ANO4: variants seen among roughly 807,000 people sequenced by gnomAD.
ANO4 encodes anoctamin-4.
Under a neutral mutation model 141.9 loss-of-function variants are expected in ANO4, and 69 were observed. That is an observed-to-expected ratio of 0.49 (90% confidence interval 0.40 to 0.59). ANO4 has a LOEUF of 0.59. ANO4 is among the 20% of genes least tolerant of loss of function. ANO4 has a pLI of 0.00. For missense variants in ANO4, 894 were observed against 1,162.2 expected, an observed-to-expected ratio of 0.77 and a Z score of 3.36; for synonymous variants, 350 against 394.3, an observed-to-expected ratio of 0.89 and a Z score of 1.33.
At chr12:100,910,508 A>G (rs2041055043) in intron 2 of ANO4, among the ~76,000 whole-genome samples, 1 of 152,164 alleles carries the variant, frequency 6.6e-6, no homozygotes, top group Admixed American at 6.5e-5. Context: ...CTCATAATTA[A>G]TGAATATTAT....
chr12:101,024,480 C>T (rs549705987), intron 9 of ANO4, among the ~76,000 whole-genome samples: 3 of 152,136 alleles, frequency 2.0e-5, no homozygotes, highest in Non-Finnish European at 2.9e-5. Flanking sequence ...CCTGTAATCC[C>T]AGCTACTTGG....
At position 101,122,313 on chromosome 12, in the gene ANO4, C is replaced by A. The variant is rs186727590; in HGVS notation, c.2676+1688C>A. ...AGACCTTTATTGGGTGCATAGTTTG[C>A]AAATATTTTCTCCCATTCTGTACGG... On this transcript the variant is annotated intron_variant, in intron 26 of 27. Coordinates refer to ENST00000392977, the MANE Select transcript of ANO4 (RefSeq NM_001286615.2). 1.1e-3 allele frequency among the ~76,000 whole-genome samples: 170 copies of A among 152,248 alleles called. 3 individuals are homozygous for A. The East Asian group carries it at 0.025, about 22-fold the overall frequency.
At chr12:101,048,431 T>G (rs1436957670) in intron 14 of ANO4, 30 bp downstream of exon 14, 1 of 1,591,424 alleles carries the variant, frequency 6.3e-7, no homozygotes, top group Admixed American at 1.7e-5. Flanking sequence ...AAAACTTGAG[T>G]TTTCCTCATA....
At chr12:100,912,951 G>A (rs1157892974) in intron 2 of ANO4, among the ~76,000 whole-genome samples, 1 of 152,172 alleles carries the variant, frequency 6.6e-6, no homozygotes, top group Non-Finnish European at 1.5e-5. Context: ...TCCTCTTTAA[G>A]TGGGTTTTTT....
rs368695101 is a variant in ANO4, at chr12:100,917,758, A to G, written c.56-4468A>G. On this transcript the variant is annotated intron_variant, in intron 2 of 27. Coordinates refer to ENST00000392977, the MANE Select transcript of ANO4 (RefSeq NM_001286615.2). Reference sequence around the variant, plus strand: ...TGAAAGAGTATTCTGTATTTCTTCTAGAGCAGAGACAGAAAAATATCTTAT... The same window carrying G: ...TGAAAGAGTATTCTGTATTTCTTCTGGAGCAGAGACAGAAAAATATCTTAT... Among the ~76,000 whole-genome samples, 6 of 152,316 alleles carry G rather than the reference A, an allele frequency of 3.9e-5. No individual in the cohort carries two copies. The East Asian group carries it at 1.2e-3, about 29-fold the overall frequency.
intron 26 of ANO4, among the ~76,000 whole-genome samples, chr12:101,125,412 A>T (rs2051269249): frequency 6.6e-6 from 1 of 152,176 alleles, no homozygotes. Context: ...TCATCTGCAA[A>T]AAAAAGATAA....
rs61944862 is a variant in ANO4, at chr12:100,919,236, T to C, written c.56-2990T>C. 8.1e-3 allele frequency among the ~76,000 whole-genome samples: 1,236 copies of C among 152,254 alleles called. 14 individuals carry two copies. The highest frequency in any genetic ancestry group is 0.051 in the Middle Eastern group (15 of 292). ...AAGAAACATTTTTAAATAAATTTAA[T>C]GTGGCGTAAGTATACAGTGTTTATA... is the stretch of plus-strand genomic sequence containing the variant. On this transcript the variant is annotated intron_variant, in intron 2 of 27. Coordinates refer to ENST00000392977, the MANE Select transcript of ANO4 (RefSeq NM_001286615.2).
chr12:101,081,531 G>A (rs1460311556), intron 15 of ANO4, among the ~76,000 whole-genome samples: 1 of 152,146 alleles, frequency 6.6e-6, no homozygotes, highest in Admixed American at 6.5e-5. Context: ...TTCCCAGCTT[G>A]GGATTCCTTG....
chr12:101,103,374 A>T (rs2050288125), intron 22 of ANO4, among the ~76,000 whole-genome samples: 1 of 151,068 alleles, frequency 6.6e-6, no homozygotes, highest in Non-Finnish European at 1.5e-5. Flanking sequence ...ATTGTTTTGT[A>T]CATACTTTTT....
chr12:100,802,038 A>G (rs1438541567), intron 1 of ANO4, among the ~76,000 whole-genome samples: 1 of 152,112 alleles, frequency 6.6e-6, no homozygotes, highest in Non-Finnish European at 1.5e-5. Flanking sequence ...ACACTTTGCC[A>G]TTCAAAGTCA....
intron 14 of ANO4, among the ~76,000 whole-genome samples, chr12:101,048,967 T>C (rs1391539240): frequency 6.6e-6 from 1 of 152,238 alleles, no homozygotes; most frequent in Non-Finnish European, 1.5e-5. Flanking sequence ...GTGTGATTTT[T>C]GGCAAGTTAT....
intron 2 of ANO4, among the ~76,000 whole-genome samples, chr12:100,734,589 C>T (rs1364137769): frequency 6.6e-6 from 1 of 152,184 alleles, no homozygotes; most frequent in African/African-American, 2.4e-5. Context: ...ACTCTATGAG[C>T]AAGTTACTGT....
intron 3 of ANO4, among the ~76,000 whole-genome samples, chr12:100,748,822 TC>T (rs2032232022): frequency 6.6e-6 from 1 of 152,216 alleles, no homozygotes; most frequent in African/African-American, 2.4e-5. Context: ...GATGTCATCT[TC>T]CTACTTCCCT....
intron 8 of ANO4, among the ~76,000 whole-genome samples, chr12:100,993,406 G>A (rs893219558): frequency 2.0e-5 from 3 of 152,146 alleles, no homozygotes; most frequent in Admixed American, 1.3e-4. Context: ...TTTGAGGGCT[G>A]AGGTATTATT....
At chr12:101,007,731 T>A (rs374456540) in intron 8 of ANO4, among the ~76,000 whole-genome samples, 1 of 152,172 alleles carries the variant, frequency 6.6e-6, no homozygotes, top group Non-Finnish European at 1.5e-5. Flanking sequence ...TGTTTTTGTT[T>A]CATTTGGAGA....
At chr12:100,733,780 A>T (rs1283610754) in exon 2 of ANO4, 2 of 701,684 alleles carry the variant, frequency 2.9e-6, no homozygotes, top group East Asian at 2.7e-5. Flanking sequence ...ACAGACAAAG[A>T]TGTGAGCAGC....
chr12:101,061,279 G>A (rs983843007), intron 14 of ANO4, among the ~76,000 whole-genome samples: 1 of 151,910 alleles, frequency 6.6e-6, no homozygotes, highest in Non-Finnish European at 1.5e-5. Context: ...CCCTTTGTGG[G>A]TAACCCAACC....
intron 3 of ANO4, among the ~76,000 whole-genome samples, chr12:100,765,379 CTTTTTTTT>C (rs71091461): frequency 8.0e-6 from 1 of 125,402 alleles, no homozygotes; most frequent in African/African-American, 3.1e-5. Flanking sequence ...TTCTTTCTTT[CTTTTTTTT>C]TTTTTTTTTG....
At chr12:101,018,449 T>C (rs978271261) in intron 8 of ANO4, among the ~76,000 whole-genome samples, 1 of 152,176 alleles carries the variant, frequency 6.6e-6, no homozygotes, top group African/African-American at 2.4e-5. Flanking sequence ...GTAAATCAGT[T>C]CTCATGATTT....
Sources: allele counts gnomAD v4.1 joint callset (sites outside exome capture counted in the v4.1 genomes callset), GRCh38; gene constraint gnomAD v4.1.1; transcripts MANE v1.5; gene names NCBI Gene and HGNC (gene_info 2026-07-23, HGNC 2026-07-21).